PCDHA6: variants seen among roughly 807,000 people sequenced by gnomAD.
PCDHA6 encodes protocadherin alpha-6.
PCDHA6 carries 55 observed loss-of-function variants against 60.3 expected under a neutral mutation model. That is an observed-to-expected ratio of 0.91 (90% CI 0.73 to 1.14). The LOEUF (loss-of-function observed/expected upper bound fraction) is 1.14, where lower values mean the gene tolerates loss of function less well. Among genes scored for constraint, PCDHA6 ranks in the 50% most tolerant of loss-of-function variants. The pLI is 0.00. For synonymous variants in PCDHA6, 652 were observed against 557.9 expected (o/e 1.17, Z -2.38); for missense variants, 1,327 against 1,256.5 (o/e 1.06, Z -0.85).
At chr5:140,894,223 T>C (rs2064371572) in intron 1 of PCDHA6, among the ~76,000 whole-genome samples, 1 of 152,124 alleles carries the variant, frequency 6.6e-6, no homozygotes. Context: ...ATTTTAAAGA[T>C]GTTGAATGAC....
intron 1 of PCDHA6, chr5:140,835,845 G>A (rs2150246372): frequency 2.5e-6 from 4 of 1,612,312 alleles, no homozygotes; most frequent in Non-Finnish European, 1.7e-6. Flanking sequence ...GCAGAAGAAC[G>A]CGCTGGTGTC....
At chr5:140,929,316 C>G in intron 1 of PCDHA6, 1 of 1,556,954 alleles carries the variant, frequency 6.4e-7, no homozygotes, top group Non-Finnish European at 8.7e-7. Flanking sequence ...ACGCTAATGT[C>G]AATGCCATGG....
intron 1 of PCDHA6, among the ~76,000 whole-genome samples, chr5:140,944,398 G>C (rs1326523434): frequency 4.6e-5 from 7 of 152,104 alleles, no homozygotes; most frequent in African/African-American, 2.4e-5. Flanking sequence ...TGTTATCCAG[G>C]CTGGTCTCGA....
intron 1 of PCDHA6, among the ~76,000 whole-genome samples, chr5:140,892,029 T>C (rs954107632): frequency 2.0e-4 from 30 of 152,336 alleles, no homozygotes; most frequent in Middle Eastern, 6.8e-3. Context: ...TGGTCTAAGA[T>C]ACTTTTATTT....
At position 140,906,503 on chromosome 5, in the gene PCDHA6, AAAG is replaced by A. The variant is rs537708204; in HGVS notation, c.2395-72442_2395-72440del. Among the ~76,000 whole-genome samples the A allele has an allele frequency of 2.0e-5, 3 of 152,376 alleles. No homozygotes were observed. The South Asian group carries it at 6.2e-4, about 32-fold the overall frequency. On this transcript the variant is annotated intron_variant, in intron 1 of 3. Transcript: ENST00000529310. The stretch of plus-strand genomic sequence containing the variant: ...ATAAATGCACAAACATGTTTTTAAC[AAAG>A]AAGGAGGAAATACTCACGACAATTA...
At chr5:140,853,080 C>A in intron 1 of PCDHA6, 1 of 301,148 alleles carries the variant, frequency 3.3e-6, no homozygotes, top group Non-Finnish European at 5.0e-6. Context: ...GGGGTTTCAC[C>A]GTGTTAGTCA....
At chr5:140,970,884 A>G (rs1013057138) in intron 1 of PCDHA6, among the ~76,000 whole-genome samples, 1 of 152,218 alleles carries the variant, frequency 6.6e-6, no homozygotes, top group Admixed American at 6.5e-5. Context: ...GATTTTTCTC[A>G]TGGACATTTC....
At position 140,926,724 on chromosome 5, in the gene PCDHA6, G is replaced by C. The variant is rs376759295; in HGVS notation, c.2395-52225G>C. 1.5e-5 allele frequency: 15 copies of C among 1,034,056 alleles called. No homozygotes were observed. In the East Asian group the frequency reaches 2.4e-4, roughly 17 times the overall value. 64.1% of individuals were successfully genotyped at this position (1,034,056 alleles called of 1,614,324 possible). On this transcript the variant is annotated intron_variant, in intron 1 of 3. Transcript: ENST00000529310. ...CCAGCTGGCCAGCCCCGGCAATGCC[G>C]GCGTTCGGGAGGCGCAACGTCGGCG...
At chr5:140,966,527 G>C (rs1328867902) in intron 1 of PCDHA6, 2 of 444,184 alleles carry the variant, frequency 4.5e-6, no homozygotes, top group Non-Finnish European at 7.8e-6. Context: ...AAGCCGAGCC[G>C]GGTTGAGCGA....
At chr5:140,865,421 T>C (rs2048870756) in intron 1 of PCDHA6, 1 of 152,208 alleles carries the variant, frequency 6.6e-6, no homozygotes, top group Non-Finnish European at 1.5e-5. Context: ...TAGTAGTGTC[T>C]ACCTAGAAAA....
rs1769482797 is a variant in PCDHA6, at chr5:140,828,000, C to A, written c.-92C>A. The stretch of plus-strand genomic sequence containing the variant: ...CCTGACTGTTGAATGATGGCGGACG[C>A]AGAAGAAATGGATTAATAAATTCCG... On this transcript the variant is annotated 5_prime_UTR_variant, in exon 1 of 4. Coordinates refer to ENST00000529310, the MANE Select transcript of PCDHA6 (RefSeq NM_018909.4). The A allele has an allele frequency of 2.0e-5, 30 of 1,490,872 alleles. No homozygotes were observed. Among genetic ancestry groups the A allele is most frequent in the Non-Finnish European group, 2.6e-5 (29 of 1,111,354 alleles). 92.4% of individuals were successfully genotyped at this position (1,490,872 alleles called of 1,614,324 possible). A position where few individuals can be genotyped will look rare whatever the true frequency, so the allele number is the denominator to read the frequency against.
intron 1 of PCDHA6, among the ~76,000 whole-genome samples, chr5:140,889,588 GA>G (rs2062289236): frequency 6.6e-6 from 1 of 151,768 alleles, no homozygotes; most frequent in East Asian, 1.9e-4. Context: ...TTTTTGCTTT[GA>G]AATATTTTTA....
intron 1 of PCDHA6, chr5:140,877,093 G>T (rs2056846978): frequency 6.2e-7 from 1 of 1,613,178 alleles, no homozygotes; most frequent in African/African-American, 1.3e-5. Context: ...GCGCGACGCC[G>T]GCGTGCCGCC....
chr5:141,005,697 G>A (rs1197870932), intron 3 of PCDHA6, among the ~76,000 whole-genome samples: 75 of 78,728 alleles, frequency 9.5e-4, no homozygotes, highest in Admixed American at 6.2e-4. Context: ...GCGAAACTCC[G>A]TCTCAAAAAA....
rs1372096351 is a variant in PCDHA6, at chr5:140,851,273, G to A, written c.2394+20788G>A. 3 of 1,057,916 alleles carry A rather than the reference G, an allele frequency of 2.8e-6. No homozygotes were observed. In the African/African-American group the frequency reaches 5.0e-5, roughly 18 times the overall value. The allele number at this position is 1,057,916 out of a possible 1,614,324, so 65.5% of individuals were successfully genotyped here. On this transcript the variant is annotated intron_variant, in intron 1 of 3. Coordinates refer to ENST00000529310, the MANE Select transcript of PCDHA6 (RefSeq NM_018909.4). ...CATAGTATTTTAGTCTACTTGTATT[G>A]TTTATAAGAAACCCAAGCAAAAATA...
In PCDHA6 at chr5:140,828,088, T is replaced by G. The variant is rs2150150812; in HGVS notation, c.-4T>G. The G allele has an allele frequency of 1.3e-6, 2 of 1,592,494 alleles. No individual in the cohort carries two copies. Among genetic ancestry groups the G allele is most frequent in the Admixed American group, 3.5e-5 (2 of 57,042 alleles). On this transcript the variant is annotated 5_prime_UTR_variant, in exon 1 of 4. Transcript: ENST00000529310. ...TAATGGAAATAAAACCAGAGGTATT[T>G]GACATGGTGTTTACCCCGGAGGATA...
At position 140,829,859 on chromosome 5, in the gene PCDHA6, G is replaced by A. The variant is rs2150176388; in HGVS notation, c.1768G>A (p.Val590Met). ...LVPRSLGAGQ[V>M]VAKVRAVDAD... is the part of the protein sequence containing the mutation. ...GCCGCGGTCACTGGGTGCAGGCCAAGTGGTGGCGAAGGTGCGCGCAGTTGA... is the reference window on the plus strand; with the variant it reads ...GCCGCGGTCACTGGGTGCAGGCCAAATGGTGGCGAAGGTGCGCGCAGTTGA... The change falls in exon 1 of 4, where the codon GTG becomes ATG. Residue 590 changes from valine (V) to methionine (M), a missense_variant. Physicochemically the swap from Val to Met is conservative, Grantham distance 21 (BLOSUM62 1). Coordinates refer to ENST00000529310, the MANE Select transcript of PCDHA6 (RefSeq NM_018909.4). 2.5e-6 allele frequency: 4 copies of A among 1,613,860 alleles called. No individual in the cohort carries two copies. In the African/African-American group the frequency reaches 4.0e-5, roughly 16 times the overall value.
intron 1 of PCDHA6, chr5:140,843,458 C>T: frequency 6.3e-7 from 1 of 1,596,092 alleles, no homozygotes; most frequent in Non-Finnish European, 8.6e-7. Flanking sequence ...CCTGCTGGTG[C>T]TCACGCTGCT....
chr5:140,960,541 C>T (rs1200507322), intron 1 of PCDHA6, among the ~76,000 whole-genome samples: 1 of 151,924 alleles, frequency 6.6e-6, no homozygotes, highest in Non-Finnish European at 1.5e-5. Context: ...GAAACTGTGG[C>T]CTTCATATAG....
Sources: gnomAD v4.1 joint callset for allele counts (sites outside exome capture counted in the v4.1 genomes callset) on GRCh38, gnomAD v4.1.1 for gene constraint, MANE v1.5 for transcripts, NCBI Gene and HGNC (gene_info 2026-07-23, HGNC 2026-07-21) for gene names.